Variants in SLFN12L observed in about 807,000 individuals in gnomAD.
The protein encoded by SLFN12L is schlafen family member 12-like.
Under a neutral mutation model 34.8 loss-of-function variants are expected in SLFN12L, and 34 were observed. That is an observed-to-expected ratio of 0.98 (90% CI 0.74 to 1.30). SLFN12L has a LOEUF of 1.30. Among genes scored for constraint, SLFN12L ranks in the 50% most tolerant of loss-of-function variants. The pLI is 0.00. For missense variants in SLFN12L, 703 were observed against 696.2 expected (o/e 1.01, Z -0.11); for synonymous variants, 259 against 247.5 (o/e 1.05, Z -0.44).
At chr17:35,481,987 A>G (rs538216514) in intron 2 of SLFN12L, among the ~76,000 whole-genome samples, 1 of 152,234 alleles carries the variant, frequency 6.6e-6, no homozygotes, top group African/African-American at 2.4e-5. Flanking sequence ...CAGCCTCCCA[A>G]GTAGCTGGCA....
At chr17:35,518,290 G>A (rs566701631) in intron 2 of SLFN12L, among the ~76,000 whole-genome samples, 3 of 152,186 alleles carry the variant, frequency 2.0e-5, no homozygotes, top group Non-Finnish European at 4.4e-5. Context: ...GGTGGCCCAC[G>A]CCTGTAATCC....
At chr17:35,488,174 G>C (rs940427198) in intron 2 of SLFN12L, among the ~76,000 whole-genome samples, 1 of 152,110 alleles carries the variant, frequency 6.6e-6, no homozygotes, top group Non-Finnish European at 1.5e-5. Context: ...GTGCCACTAC[G>C]CTCCAGCCTG....
intron 1 of SLFN12L, among the ~76,000 whole-genome samples, chr17:35,532,599 C>A (rs1423246902): frequency 6.6e-6 from 1 of 151,934 alleles, no homozygotes; most frequent in Non-Finnish European, 1.5e-5. Flanking sequence ...TTTTTTAAAA[C>A]TTCAAAATCA....
Position 35,479,696 on chromosome 17 carries a change from C to T in SLFN12L, c.586G>A (p.Gly196Arg), listed in dbSNP as rs186925136. 2.9e-4 allele frequency: 461 copies of T among 1,613,804 alleles called. 1 individual carries two copies. The highest frequency in any genetic ancestry group is 1.2e-4 in the Non-Finnish European group (138 of 1,179,824). The change falls in exon 3 of 5, where the codon GGG becomes AGG. Residue 196 changes from glycine (G) to arginine (R), a missense_variant. Coordinates refer to ENST00000628453, the MANE Select transcript of SLFN12L (RefSeq NM_001363830.2). ...EFLKDMEKTGGRAYLRPEFPA... is the reference protein window; with the variant it reads ...EFLKDMEKTGRRAYLRPEFPA... ...AATTCTGGTCTTAAATATGCTCTCC[C>T]TCCAGTTTTTTCCATGTCTTTGAGG...
At position 35,469,338 on chromosome 17, in the gene SLFN12L, AATAT is replaced by A. The variant is rs1197482181; in HGVS notation, c.*5581_*5584del. 1.0e-5 allele frequency among the ~76,000 whole-genome samples: 1 copy of A among 95,496 alleles called. No individual in the cohort carries two copies. Among genetic ancestry groups the A allele is most frequent in the African/African-American group, 3.4e-5 (1 of 29,630 alleles). The allele number at this position is 95,496 out of a possible 152,430, so 62.6% of individuals were successfully genotyped here. On this transcript the variant is annotated 3_prime_UTR_variant, in exon 5 of 5. Transcript: ENST00000628453. ...ATATTATATATATAAATATATATATAATATATATATATATGTATTTCAAACTTTT... is the reference window on the plus strand; with the variant it reads ...ATATTATATATATAAATATATATATAATATATATATGTATTTCAAACTTTT...
At chr17:35,490,220 T>C in intron 2 of SLFN12L, 1 of 1,579,250 alleles carries the variant, frequency 6.3e-7, no homozygotes, top group Non-Finnish European at 8.7e-7. Context: ...TCTGGCAAAG[T>C]GAAGTCTGGA....
chr17:35,530,867 A>G (rs1293197962), intron 1 of SLFN12L, among the ~76,000 whole-genome samples: 1 of 152,182 alleles, frequency 6.6e-6, no homozygotes, highest in Middle Eastern at 3.2e-3. Context: ...TATTTGATTC[A>G]GTAGCGCAGG....
Position 35,479,532 on chromosome 17 carries a change from G to T in SLFN12L, c.750C>A (p.Asn250Lys). ...FTESTHVEIK[N>K]FSTEKLLQRI... ...GTTGTAACAACTTTTCAGTCGAGAA[G>T]TTTTTTATTTCAACGTGTGTGGATT... Residue 250 changes from asparagine to lysine, a missense_variant, in exon 3 of 5, where the codon AAC (asparagine) becomes AAA (lysine). Transcript: ENST00000628453. The T allele has an allele frequency of 6.2e-7, 1 of 1,614,170 alleles. No individual in the cohort carries two copies. Among genetic ancestry groups the T allele is most frequent in the Non-Finnish European group, 8.5e-7 (1 of 1,180,026 alleles).
chr17:35,520,151 A>G (rs553935828), intron 2 of SLFN12L, among the ~76,000 whole-genome samples: 1 of 152,352 alleles, frequency 6.6e-6, no homozygotes, highest in Admixed American at 6.5e-5. Flanking sequence ...TCTATCAGCT[A>G]AACAAACACT....
chr17:35,487,721 C>A, intron 2 of SLFN12L: 3 of 1,528,000 alleles, frequency 2.0e-6, no homozygotes, highest in African/African-American at 1.4e-5. Flanking sequence ...AAAAAGAGAA[C>A]GAACCTGGCG....
At chr17:35,484,518 C>T (rs1419110894) in intron 2 of SLFN12L, among the ~76,000 whole-genome samples, 1 of 152,136 alleles carries the variant, frequency 6.6e-6, no homozygotes, top group Non-Finnish European at 1.5e-5. Flanking sequence ...CAATCAGCAC[C>T]AGCAGTGTCA....
At chr17:35,495,177 G>A (rs1329107239) in intron 2 of SLFN12L, among the ~76,000 whole-genome samples, 1 of 152,154 alleles carries the variant, frequency 6.6e-6, no homozygotes, top group African/African-American at 2.4e-5. Flanking sequence ...TGGGATTATA[G>A]GCATGAGCCA....
At chr17:35,501,758 A>G (rs1450814438) in intron 2 of SLFN12L, among the ~76,000 whole-genome samples, 1 of 152,194 alleles carries the variant, frequency 6.6e-6, no homozygotes, top group East Asian at 1.9e-4. Context: ...CCAGCATTAG[A>G]GGTGGCCATC....
At chr17:35,498,969 G>T in intron 2 of SLFN12L, 1 of 708,546 alleles carries the variant, frequency 1.4e-6, no homozygotes, top group Admixed American at 1.8e-5. Flanking sequence ...AGTCAAGGAT[G>T]GGTGTCCCTC....
In SLFN12L at chr17:35,469,334, A is replaced by T. The variant is rs1313133240; in HGVS notation, c.*5589T>A. Among the ~76,000 whole-genome samples the T allele has an allele frequency of 1.5e-5, 2 of 136,032 alleles. No individual in the cohort carries two copies. Among genetic ancestry groups the T allele is most frequent in the African/African-American group, 5.4e-5 (2 of 36,818 alleles). 89.2% of individuals were successfully genotyped at this position (136,032 alleles called of 152,430 possible). A position where few individuals can be genotyped will look rare whatever the true frequency, so the allele number is the denominator to read the frequency against. On this transcript the variant is annotated 3_prime_UTR_variant, in exon 5 of 5. Coordinates refer to ENST00000628453, the MANE Select transcript of SLFN12L (RefSeq NM_001363830.2). The stretch of plus-strand genomic sequence containing the variant: ...ATATATATTATATATATAAATATAT[A>T]TATAATATATATATATATGTATTTC...
intron 2 of SLFN12L, among the ~76,000 whole-genome samples, chr17:35,503,116 G>A (rs1347769687): frequency 1.3e-5 from 2 of 152,192 alleles, no homozygotes; most frequent in East Asian, 1.9e-4. Context: ...TATAAGGAAA[G>A]TAAAGTATAC....
At chr17:35,505,787 A>G (rs1255399128) in intron 2 of SLFN12L, among the ~76,000 whole-genome samples, 4 of 152,326 alleles carry the variant, frequency 2.6e-5, no homozygotes, top group South Asian at 2.1e-4. Flanking sequence ...CTCCAGTCAC[A>G]CCCAGAAGCT....
At position 35,475,945 on chromosome 17, in the gene SLFN12L, GTA is replaced by G. The variant is rs370104542; in HGVS notation, c.1277-462_1277-461del. ...TATATTTTTTTAAATTTATATATATGTATATATATATATCATAAAACTATAAT... is the reference window on the plus strand; with the variant it reads ...TATATTTTTTTAAATTTATATATATGTATATATATATCATAAAACTATAAT... On this transcript the variant is annotated intron_variant, in intron 4 of 4. Coordinates refer to ENST00000628453, the MANE Select transcript of SLFN12L (RefSeq NM_001363830.2). 2.6e-3 allele frequency among the ~76,000 whole-genome samples: 377 copies of G among 147,218 alleles called. 4 individuals are homozygous for G. Among genetic ancestry groups the G allele is most frequent in the Non-Finnish European group, 2.2e-3 (150 of 66,976 alleles).
chr17:35,502,051 C>T (rs1053504156), intron 2 of SLFN12L, among the ~76,000 whole-genome samples: 4 of 148,878 alleles, frequency 2.7e-5, no homozygotes, highest in Non-Finnish European at 6.0e-5. Context: ...AAAGGAAAGT[C>T]AAAGAGAGAG....
Sources: gnomAD v4.1 joint callset for allele counts (sites outside exome capture counted in the v4.1 genomes callset) on GRCh38, gnomAD v4.1.1 for gene constraint, MANE v1.5 for transcripts, NCBI Gene and HGNC (gene_info 2026-07-23, HGNC 2026-07-21) for gene names.